SYNDIG1: variants seen among roughly 807,000 people sequenced by gnomAD.
SYNDIG1 encodes the protein synapse differentiation-inducing gene protein 1.
SYNDIG1 carries 9 observed loss-of-function variants against 19.4 expected under a neutral mutation model. That is an observed-to-expected ratio of 0.46 (90% CI 0.28 to 0.81). The LOEUF (loss-of-function observed/expected upper bound fraction) is 0.81, where lower values mean the gene tolerates loss of function less well. SYNDIG1 is among the 30% of genes least tolerant of loss of function. The pLI is 0.12. For synonymous variants in SYNDIG1, 141 were observed against 145.9 expected, an observed-to-expected ratio of 0.97 and a Z score of 0.24; for missense variants, 311 against 343.3, an observed-to-expected ratio of 0.91 and a Z score of 0.74.
chr20:24,625,148 A>G (rs1362013315), intron 3 of SYNDIG1, among the ~76,000 whole-genome samples: 2 of 152,226 alleles, frequency 1.3e-5, no homozygotes, highest in Non-Finnish European at 2.9e-5. Context: ...GAAATAACAA[A>G]TTAAACAAAA....
chr20:24,607,762 T>A lies in SYNDIG1; in HGVS notation c.618+22769T>A, dbSNP rs142654798. ...CCTTCTATCAATTACTTTCTTCCGTTTTTGTAGACTTTTTAGGTGTACTCC... is the reference window on the plus strand; with the variant it reads ...CCTTCTATCAATTACTTTCTTCCGTATTTGTAGACTTTTTAGGTGTACTCC... On this transcript the variant is annotated intron_variant, in intron 3 of 3. Transcript: ENST00000376862. Among the ~76,000 whole-genome samples, 5 of 152,350 alleles carry A rather than the reference T, an allele frequency of 3.3e-5. No homozygotes were observed. In the East Asian group the frequency reaches 9.6e-4, roughly 29 times the overall value.
chr20:24,473,625 G>C (rs898101204), intron 1 of SYNDIG1, among the ~76,000 whole-genome samples: 3 of 152,110 alleles, frequency 2.0e-5, no homozygotes. Flanking sequence ...GGGACGCACT[G>C]GGGAGACAGG....
intron 2 of SYNDIG1, among the ~76,000 whole-genome samples, chr20:24,584,465 T>A (rs972424436): frequency 2.0e-5 from 3 of 152,240 alleles, no homozygotes; most frequent in African/African-American, 4.8e-5. Flanking sequence ...GGGCCAGTTC[T>A]GCAGGTGGCT....
chr20:24,612,733 T>C lies in SYNDIG1; in HGVS notation c.618+27740T>C, dbSNP rs930775740. Among the ~76,000 whole-genome samples the C allele has an allele frequency of 7.2e-5, 11 of 152,204 alleles. 1 individual carries two copies. Among genetic ancestry groups the C allele is most frequent in the Non-Finnish European group, 1.2e-4 (8 of 68,032 alleles). On this transcript the variant is annotated intron_variant, in intron 3 of 3. Coordinates refer to ENST00000376862, the MANE Select transcript of SYNDIG1 (RefSeq NM_024893.3). Reference sequence around the variant, plus strand: ...AAGTGTGCATGAAGGGTTCCAGCTCTTAGTGGTCCATAAACAAATGGTTGC... The same window carrying C: ...AAGTGTGCATGAAGGGTTCCAGCTCCTAGTGGTCCATAAACAAATGGTTGC...
intron 3 of SYNDIG1, among the ~76,000 whole-genome samples, chr20:24,613,861 A>G (rs2058886472): frequency 1.3e-5 from 2 of 152,204 alleles, no homozygotes; most frequent in South Asian, 4.1e-4. Context: ...GAGGATGGTA[A>G]TCTAGGGCTT....
intron 3 of SYNDIG1, 22 bp from the exon 4 acceptor site, chr20:24,665,323 CT>C: frequency 6.3e-7 from 1 of 1,582,260 alleles, no homozygotes; most frequent in East Asian, 2.2e-5. Flanking sequence ...CAATGACTTC[CT>C]TTTTCTTCTC....
At chr20:24,474,571 C>T (rs114701878) in intron 1 of SYNDIG1, among the ~76,000 whole-genome samples, 5 of 152,326 alleles carry the variant, frequency 3.3e-5, no homozygotes, top group African/African-American at 1.2e-4. Context: ...GCCTTGCAAT[C>T]CGTGTTCAGT....
At chr20:24,538,293 T>G (rs1449217315) in intron 1 of SYNDIG1, among the ~76,000 whole-genome samples, 1 of 152,188 alleles carries the variant, frequency 6.6e-6, no homozygotes, top group East Asian at 1.9e-4. Context: ...AAACCACACT[T>G]TTGATTACTT....
intron 3 of SYNDIG1, among the ~76,000 whole-genome samples, chr20:24,661,549 GA>G (rs2059601765): frequency 1.1e-4 from 1 of 8,888 alleles, no homozygotes; most frequent in Non-Finnish European, 2.6e-4. Context: ...AGGAGGGAGG[GA>G]GGAAAAAAGA....
chr20:24,517,465 A>C (rs568175926), intron 1 of SYNDIG1, among the ~76,000 whole-genome samples: 15 of 149,798 alleles, frequency 1.0e-4, no homozygotes, highest in African/African-American at 3.4e-4. Flanking sequence ...AATACAACAA[A>C]AAAATTAGCT....
At chr20:24,604,122 CTTTT>C (rs11300143) in intron 3 of SYNDIG1, among the ~76,000 whole-genome samples, 2 of 151,688 alleles carry the variant, frequency 1.3e-5, no homozygotes, top group African/African-American at 4.8e-5. Flanking sequence ...ATTATTCTTT[CTTTT>C]TTTTTCAAAG....
chr20:24,625,065 T>C (rs2059102531), intron 3 of SYNDIG1, among the ~76,000 whole-genome samples: 1 of 152,236 alleles, frequency 6.6e-6, no homozygotes. Context: ...GGGAAATTTA[T>C]AGCATTAAAT....
intron 1 of SYNDIG1, among the ~76,000 whole-genome samples, chr20:24,526,578 G>T (rs376153402): frequency 9.8e-4 from 149 of 152,034 alleles, no homozygotes; most frequent in Admixed American, 1.6e-3. Context: ...TAGAGAGAGA[G>T]ATATAGATAT....
chr20:24,502,565 A>G (rs1056007450), intron 1 of SYNDIG1, among the ~76,000 whole-genome samples: 4 of 152,268 alleles, frequency 2.6e-5, no homozygotes, highest in African/African-American at 7.2e-5. Flanking sequence ...AGTTCTGGGA[A>G]AGAATGACTT....
intron 1 of SYNDIG1, among the ~76,000 whole-genome samples, chr20:24,522,679 A>G (rs1194749591): frequency 6.6e-6 from 1 of 152,062 alleles, no homozygotes; most frequent in African/African-American, 2.4e-5. Context: ...TGTTGCTGTA[A>G]GGGAATACCA....
At chr20:24,510,569 CAAA>C (rs372050983) in intron 1 of SYNDIG1, among the ~76,000 whole-genome samples, 4 of 67,904 alleles carry the variant, frequency 5.9e-5, no homozygotes, top group Admixed American at 1.7e-4. Flanking sequence ...AACTTGATCT[CAAA>C]AAAAAAAAAA....
At chr20:24,472,454 C>G (rs2055496053) in intron 1 of SYNDIG1, among the ~76,000 whole-genome samples, 1 of 152,098 alleles carries the variant, frequency 6.6e-6, no homozygotes. Flanking sequence ...AGTTATTTTT[C>G]TCATTAATTT....
chr20:24,570,391 G>C (rs1280697270), intron 2 of SYNDIG1, among the ~76,000 whole-genome samples: 2 of 152,156 alleles, frequency 1.3e-5, no homozygotes. Flanking sequence ...AAAAATATTT[G>C]TAAATTGCAT....
At chr20:24,518,738 C>T (rs991264774) in intron 1 of SYNDIG1, among the ~76,000 whole-genome samples, 5 of 152,230 alleles carry the variant, frequency 3.3e-5, no homozygotes, top group Non-Finnish European at 5.9e-5. Flanking sequence ...GGACGTATCT[C>T]CATATTCACC....
Sources: allele counts gnomAD v4.1 joint callset (sites outside exome capture counted in the v4.1 genomes callset), GRCh38; gene constraint gnomAD v4.1.1; transcripts MANE v1.5; gene names NCBI Gene and HGNC (gene_info 2026-07-23, HGNC 2026-07-21).